Variants in PDE4D observed in about 807,000 individuals in gnomAD.
PDE4D encodes the protein phosphodiesterase 4D, also known as 3',5'-cyclic-AMP phosphodiesterase 4D.
A neutral mutation model predicts 87.4 loss-of-function variants in PDE4D; 24 were observed. The observed-to-expected ratio is 0.27, with a 90% CI of 0.20 to 0.39. The LOEUF is 0.39. PDE4D is among the 10% of genes least tolerant of loss of function. The pLI is 1.00. For synonymous variants in PDE4D, 384 were observed against 383.2 expected, an observed-to-expected ratio of 1.00 and a Z score of -0.02; for missense variants, 714 against 1,041.0, an observed-to-expected ratio of 0.69 and a Z score of 4.32.
intron 1 of PDE4D, among the ~76,000 whole-genome samples, chr5:59,264,744 C>T (rs1409967461): frequency 6.6e-6 from 1 of 151,936 alleles, no homozygotes; most frequent in Non-Finnish European, 1.5e-5. Context: ...GGTAACTACT[C>T]ATAATAAAAT....
At chr5:59,818,043 G>A (rs1308340078) in intron 1 of PDE4D, among the ~76,000 whole-genome samples, 1 of 152,182 alleles carries the variant, frequency 6.6e-6, no homozygotes, top group Non-Finnish European at 1.5e-5. Context: ...TCTGAGGAGG[G>A]ACATTGAGCA....
At chr5:59,297,010 G>A (rs1769233987) in intron 1 of PDE4D, among the ~76,000 whole-genome samples, 1 of 152,066 alleles carries the variant, frequency 6.6e-6, no homozygotes, top group Admixed American at 6.6e-5. Context: ...CCAACACAGG[G>A]CTCACTGTAA....
At chr5:59,997,505 A>T (rs979852155) in intron 2 of PDE4D, among the ~76,000 whole-genome samples, 17 of 152,200 alleles carry the variant, frequency 1.1e-4, no homozygotes, top group Admixed American at 3.3e-4. Flanking sequence ...CATTTAAGTG[A>T]TGATATATTT....
At chr5:59,793,723 C>T (rs777363418) in intron 1 of PDE4D, among the ~76,000 whole-genome samples, 11 of 152,174 alleles carry the variant, frequency 7.2e-5, no homozygotes, top group Non-Finnish European at 1.2e-4. Flanking sequence ...GTTCATTTCA[C>T]GTGGATGGGG....
intron 1 of PDE4D, among the ~76,000 whole-genome samples, chr5:60,311,685 CATG>C (rs1583382707): frequency 6.6e-6 from 1 of 152,272 alleles, no homozygotes; most frequent in East Asian, 1.9e-4. Flanking sequence ...CAGCTAACAA[CATG>C]ATGACAGAAT....
In PDE4D at chr5:59,881,129, GA is replaced by G. The variant is rs549460052; in HGVS notation, c.455+12038del. Among the ~76,000 whole-genome samples, 290 of 152,214 alleles carry G rather than the reference GA, an allele frequency of 1.9e-3. 1 individual carries two copies. Among genetic ancestry groups the G allele is most frequent in the African/African-American group, 6.7e-3 (279 of 41,556 alleles). On this transcript the variant is annotated intron_variant, in intron 1 of 14. Coordinates refer to ENST00000340635, the MANE Select transcript of PDE4D (RefSeq NM_001104631.2). ...AATTGGCAATTATTTTCTCAGTCAA[GA>G]AATTTATTTATTTTTACTTTTGGGT...
chr5:59,408,052 A>G (rs1316500235), intron 1 of PDE4D, among the ~76,000 whole-genome samples: 1 of 152,224 alleles, frequency 6.6e-6, no homozygotes, highest in African/African-American at 2.4e-5. Flanking sequence ...TTGCATAACT[A>G]AAAGAGAACA....
intron 1 of PDE4D, among the ~76,000 whole-genome samples, chr5:59,290,591 C>T (rs1767831501): frequency 6.6e-6 from 1 of 151,810 alleles, no homozygotes; most frequent in Admixed American, 6.6e-5. Context: ...AATAGGATCA[C>T]ATCAAATTAA....
chr5:59,867,772 T>C (rs1051777858), intron 1 of PDE4D, among the ~76,000 whole-genome samples: 2 of 152,126 alleles, frequency 1.3e-5, no homozygotes, highest in Non-Finnish European at 2.9e-5. Context: ...CAGATTTGCA[T>C]GCAGAGTTAG....
chr5:59,415,911 C>T (rs904410836), intron 1 of PDE4D, among the ~76,000 whole-genome samples: 4 of 152,250 alleles, frequency 2.6e-5, no homozygotes, highest in South Asian at 2.1e-4. Context: ...TATACTCCAG[C>T]GTTGGTCTAT....
intron 1 of PDE4D, among the ~76,000 whole-genome samples, chr5:60,480,757 T>C (rs1748669338): frequency 6.6e-6 from 1 of 152,168 alleles, no homozygotes; most frequent in Non-Finnish European, 1.5e-5. Flanking sequence ...ACTTAAAATA[T>C]CTATTAAATA....
At position 60,287,385 on chromosome 5, in the gene PDE4D, C is replaced by T. The variant is rs926153937; in HGVS notation, c.-89-101698G>A. ...GTATTGCTGTGTAGGAGAGGCGCCC[C>T]CTTCAGGCCTTAGGGCACCATTGCT... On this transcript the variant is annotated intron_variant, in intron 1 of 16. Coordinates refer to the PDE4D transcript ENST00000502484. Among the ~76,000 whole-genome samples the T allele has an allele frequency of 2.6e-5, 4 of 152,194 alleles. No individual in the cohort carries two copies. In the South Asian group the frequency reaches 6.2e-4, roughly 24 times the overall value.
intron 1 of PDE4D, among the ~76,000 whole-genome samples, chr5:60,386,918 C>T (rs1187915981): frequency 6.6e-6 from 1 of 152,146 alleles, no homozygotes; most frequent in Non-Finnish European, 1.5e-5. Context: ...TGATCACTGT[C>T]ACCATGTCTG....
rs555226302 is a variant in PDE4D at position 59,693,470 on chromosome 5, G to A, written c.455+199698C>T. Among the ~76,000 whole-genome samples, 9 of 152,234 alleles carry A rather than the reference G, an allele frequency of 5.9e-5. No homozygotes were observed. The East Asian group carries it at 1.5e-3, about 26-fold the overall frequency. On this transcript the variant is annotated intron_variant, in intron 1 of 14. Coordinates refer to ENST00000340635, the MANE Select transcript of PDE4D (RefSeq NM_001104631.2). ...GGCTGATAAAGTTTTAAGCAGTTTT[G>A]TTTCAAGATCAAACTGGACAGATCT...
chr5:59,293,680 C>T (rs1173272549), intron 1 of PDE4D, among the ~76,000 whole-genome samples: 1 of 152,100 alleles, frequency 6.6e-6, no homozygotes, highest in African/African-American at 2.4e-5. Flanking sequence ...TGCGTTCTTA[C>T]CTAAATAGGA....
chr5:59,894,670 C>T (rs1751448041), upstream of PDE4D, among the ~76,000 whole-genome samples: 1 of 152,226 alleles, frequency 6.6e-6, no homozygotes. Flanking sequence ...TCTCTATCTT[C>T]AGTGCCTGCC....
At chr5:59,675,360 G>C (rs1259642764) in intron 1 of PDE4D, among the ~76,000 whole-genome samples, 1 of 152,148 alleles carries the variant, frequency 6.6e-6, no homozygotes, top group Non-Finnish European at 1.5e-5. Context: ...AGCTAATTAA[G>C]TGTGTCTGCG....
At chr5:59,734,969 A>G (rs1055395176) in intron 1 of PDE4D, among the ~76,000 whole-genome samples, 2 of 152,186 alleles carry the variant, frequency 1.3e-5, no homozygotes, top group Admixed American at 1.3e-4. Flanking sequence ...ATACTTTCAC[A>G]AGCACTGTGC....
chr5:59,916,767 A>G (rs1487767559), intron 3 of PDE4D, among the ~76,000 whole-genome samples: 2 of 151,810 alleles, frequency 1.3e-5, no homozygotes, highest in Non-Finnish European at 1.5e-5. Flanking sequence ...TTTTTTGCAA[A>G]TCTATAAAAC....
Sources: allele counts gnomAD v4.1 joint callset (sites outside exome capture counted in the v4.1 genomes callset), GRCh38; gene constraint gnomAD v4.1.1; transcripts MANE v1.5; gene names NCBI Gene and HGNC (gene_info 2026-07-23, HGNC 2026-07-21).